AFG1L: variants seen among roughly 807,000 people sequenced by gnomAD.
AFG1L encodes the protein AFG1 like ATPase, also known as AFG1-like ATPase.
A neutral mutation model predicts 62.2 loss-of-function variants in AFG1L; 53 were observed. The observed-to-expected ratio is 0.85, with a 90% CI of 0.68 to 1.07. The LOEUF is 1.07. Ranked by LOEUF, AFG1L falls within the 50% of genes least tolerant of loss-of-function variation. AFG1L has a pLI of 0.00. For synonymous variants in AFG1L, 228 were observed against 210.3 expected (o/e 1.08, Z -0.73); for missense variants, 555 against 590.5 (o/e 0.94, Z 0.62).
intron 7 of AFG1L, among the ~76,000 whole-genome samples, chr6:108,433,033 G>T (rs1022041530): frequency 2.6e-5 from 4 of 152,286 alleles, no homozygotes; most frequent in African/African-American, 9.6e-5. Context: ...TCGTTTTATA[G>T]ACATAGAAAA....
At chr6:108,314,324 A>G (rs977952012) in intron 1 of AFG1L, among the ~76,000 whole-genome samples, 70 of 152,278 alleles carry the variant, frequency 4.6e-4, no homozygotes, top group African/African-American at 1.7e-3. Flanking sequence ...TATTTTCTAA[A>G]GCAATCTTTT....
rs75666554 is a variant in AFG1L, at chr6:108,381,556, A to C, written c.748+15224A>C. 2.0e-3 allele frequency among the ~76,000 whole-genome samples: 304 copies of C among 152,236 alleles called. 2 individuals carry two copies. Among genetic ancestry groups the C allele is most frequent in the African/African-American group, 6.8e-3 (283 of 41,528 alleles). ...AATAGCCACTGACTCTAGCCTGGAC[A>C]ACATAGGAAGACCTTGTCTCTGGAA... is the stretch of plus-strand genomic sequence containing the variant. On this transcript the variant is annotated intron_variant, in intron 6 of 12. Transcript: ENST00000368977.
intron 5 of AFG1L, chr6:108,359,837 T>C (rs549999296): frequency 6.6e-6 from 1 of 152,372 alleles, no homozygotes; most frequent in East Asian, 1.9e-4. Flanking sequence ...TCCTGGAGTT[T>C]CAAGTAAATC....
At chr6:108,452,825 G>A (rs1343561241) in intron 8 of AFG1L, among the ~76,000 whole-genome samples, 1 of 152,114 alleles carries the variant, frequency 6.6e-6, no homozygotes, top group East Asian at 1.9e-4. Context: ...CCTGCAACAG[G>A]CAGTGAATTG....
chr6:108,339,817 T>C (rs1243031032), intron 2 of AFG1L, among the ~76,000 whole-genome samples: 4 of 152,192 alleles, frequency 2.6e-5, no homozygotes, highest in African/African-American at 9.6e-5. Context: ...GTACATGAGA[T>C]GTTTTGATAC....
chr6:108,407,819 T>C (rs369769758), intron 7 of AFG1L, among the ~76,000 whole-genome samples: 3 of 152,322 alleles, frequency 2.0e-5, no homozygotes, highest in South Asian at 4.1e-4. Flanking sequence ...CTTTTATATA[T>C]AATTTCCAGA....
In AFG1L at chr6:108,522,460, T is replaced by C; in HGVS notation, c.*35T>C. On this transcript the variant is annotated 3_prime_UTR_variant, in exon 13 of 13. Coordinates refer to ENST00000368977, the MANE Select transcript of AFG1L (RefSeq NM_145315.5). ...TTGCATAAATAAAACTCTAGACAAA[T>C]GGTTAACGCAGGCAGAACTCCTTAT... 6.3e-7 allele frequency: 1 copy of C among 1,584,986 alleles called. No individual in the cohort carries two copies. Among genetic ancestry groups the C allele is most frequent in the Non-Finnish European group, 8.6e-7 (1 of 1,159,112 alleles).
At chr6:108,424,478 C>T (rs1298576937) in intron 7 of AFG1L, among the ~76,000 whole-genome samples, 1 of 151,902 alleles carries the variant, frequency 6.6e-6, no homozygotes. Flanking sequence ...TTTCAACATG[C>T]ATTTACGAAG....
chr6:108,372,487 G>A (rs1780056119), intron 6 of AFG1L, among the ~76,000 whole-genome samples: 1 of 151,840 alleles, frequency 6.6e-6, no homozygotes, highest in African/African-American at 2.4e-5. Flanking sequence ...GCACTACCAT[G>A]CCTGGTGAAT....
intron 3 of AFG1L, 39 bp downstream of exon 3, chr6:108,347,078 A>G (rs1308446515): frequency 5.3e-6 from 8 of 1,509,626 alleles, no homozygotes; most frequent in Admixed American, 1.7e-5. Flanking sequence ...GGCAAAACAG[A>G]AAGTTTCTCA....
chr6:108,492,971 C>T (rs1207434145), intron 10 of AFG1L, among the ~76,000 whole-genome samples: 2 of 152,002 alleles, frequency 1.3e-5, no homozygotes, highest in Non-Finnish European at 2.9e-5. Flanking sequence ...GAGAGACATA[C>T]ATTTGTAACG....
At chr6:108,522,174 A>G in intron 12 of AFG1L, 123 bp from the exon 13 acceptor site, 1 of 783,900 alleles carries the variant, frequency 1.3e-6, no homozygotes, top group Non-Finnish European at 2.0e-6. Flanking sequence ...ATGGAAAAAA[A>G]AAGTTATAAA....
intron 8 of AFG1L, among the ~76,000 whole-genome samples, chr6:108,462,317 T>C (rs1772491673): frequency 6.6e-6 from 1 of 151,568 alleles, no homozygotes; most frequent in Non-Finnish European, 1.5e-5. Context: ...GATGGGAGAA[T>C]CGCTTGAACC....
chr6:108,341,450 TTATG>T (rs778353703), intron 2 of AFG1L, among the ~76,000 whole-genome samples: 25 of 152,168 alleles, frequency 1.6e-4, no homozygotes, highest in Non-Finnish European at 8.8e-5. Flanking sequence ...GGTAAGCACA[TTATG>T]TTTGCAGTCT....
intron 1 of AFG1L, among the ~76,000 whole-genome samples, chr6:108,299,220 C>T (rs1218308128): frequency 1.3e-5 from 2 of 151,308 alleles, no homozygotes; most frequent in Non-Finnish European, 2.9e-5. Context: ...AAGATCACAC[C>T]ACTGCGCTCC....
chr6:108,423,755 G>A (rs1050278368), intron 7 of AFG1L, among the ~76,000 whole-genome samples: 7 of 152,028 alleles, frequency 4.6e-5, no homozygotes, highest in Admixed American at 2.0e-4. Flanking sequence ...TTATTAATGT[G>A]TAATCAGAAT....
At chr6:108,409,068 G>A (rs1197144701) in intron 7 of AFG1L, among the ~76,000 whole-genome samples, 4 of 152,114 alleles carry the variant, frequency 2.6e-5, no homozygotes, top group Non-Finnish European at 4.4e-5. Context: ...TACAGATAAC[G>A]TGAGTGGAAA....
rs1373984355 is a variant in AFG1L, at chr6:108,390,679, C to T, written c.749-11317C>T. Reference sequence around the variant, plus strand: ...CATCAGCATTGGAGGCTGCAAACAGCGAATATTGCTGAACAGCAAATGTTG... The same window carrying T: ...CATCAGCATTGGAGGCTGCAAACAGTGAATATTGCTGAACAGCAAATGTTG... On this transcript the variant is annotated intron_variant, in intron 6 of 12. Coordinates refer to ENST00000368977, the MANE Select transcript of AFG1L (RefSeq NM_145315.5). Among the ~76,000 whole-genome samples, 5 of 152,312 alleles carry T rather than the reference C, an allele frequency of 3.3e-5. No individual in the cohort carries two copies. The East Asian group carries it at 5.8e-4, about 18-fold the overall frequency.
intron 3 of AFG1L, among the ~76,000 whole-genome samples, 159 bp downstream of exon 3, chr6:108,347,198 A>G (rs568473149): frequency 6.6e-6 from 1 of 152,266 alleles, no homozygotes; most frequent in African/African-American, 2.4e-5. Flanking sequence ...GAGGGCAGTT[A>G]TCTCAGCTTT....
Sources: gnomAD v4.1 joint callset for allele counts (sites outside exome capture counted in the v4.1 genomes callset) on GRCh38, gnomAD v4.1.1 for gene constraint, MANE v1.5 for transcripts, NCBI Gene and HGNC (gene_info 2026-07-23, HGNC 2026-07-21) for gene names.